TAFA2: variants seen among roughly 807,000 people sequenced by gnomAD.
The protein encoded by TAFA2 is TAFA chemokine like family member 2.
Under a neutral mutation model 18.8 loss-of-function variants are expected in TAFA2, and 7 were observed. The ratio of observed to expected loss-of-function variants is 0.37; its 90% CI spans 0.21 to 0.70. TAFA2 has a LOEUF of 0.70. Among genes scored for constraint, TAFA2 ranks in the 30% least tolerant of loss-of-function variants. The pLI, the probability that TAFA2 is intolerant of heterozygous loss-of-function variation, is 0.53. For synonymous variants in TAFA2, 60 were observed against 54.2 expected (o/e 1.11, Z -0.47); for missense variants, 122 against 158.1 (o/e 0.77, Z 1.23).
intron 2 of TAFA2, among the ~76,000 whole-genome samples, chr12:61,828,386 G>C (rs780432791): frequency 5.9e-5 from 9 of 151,904 alleles, no homozygotes; most frequent in Non-Finnish European, 1.2e-4. Flanking sequence ...TGCCCATTTA[G>C]TCTTTCTTCA....
intron 2 of TAFA2, among the ~76,000 whole-genome samples, chr12:61,864,564 G>A (rs1353533880): frequency 6.6e-6 from 1 of 151,378 alleles, no homozygotes. Flanking sequence ...ACGAGGTCAG[G>A]AGATCGAGAC....
At chr12:62,034,253 C>A (rs561213158) in intron 1 of TAFA2, among the ~76,000 whole-genome samples, 4 of 152,092 alleles carry the variant, frequency 2.6e-5, no homozygotes. Flanking sequence ...TTGAGCCCAG[C>A]CCCCTTTGCC....
At chr12:62,196,385 T>C (rs1225928937), upstream of TAFA2, among the ~76,000 whole-genome samples, 2 of 152,214 alleles carry the variant, frequency 1.3e-5, no homozygotes, top group Non-Finnish European at 2.9e-5. Context: ...TGCCTAGCAG[T>C]TTGGCTCAAG....
intron 1 of TAFA2, among the ~76,000 whole-genome samples, chr12:61,985,978 C>T (rs1057130659): frequency 6.6e-6 from 1 of 152,062 alleles, no homozygotes; most frequent in African/African-American, 2.4e-5. Context: ...GCTACCTCAG[C>T]CCACAACCAT....
intron 1 of TAFA2, among the ~76,000 whole-genome samples, chr12:62,228,814 G>A (rs533238899): frequency 6.6e-6 from 1 of 152,190 alleles, no homozygotes; most frequent in African/African-American, 2.4e-5. Context: ...GGGTAGCATT[G>A]ACATTTTAAT....
intron 1 of TAFA2, among the ~76,000 whole-genome samples, chr12:62,238,474 A>T (rs1010666954): frequency 1.3e-5 from 2 of 152,134 alleles, no homozygotes; most frequent in Non-Finnish European, 2.9e-5. Context: ...TACCTACATT[A>T]TCTCATTTAA....
rs574454623 is a variant in TAFA2, at chr12:61,907,109, G to A, written c.-1-39683C>T. ...GATAGAAAAGAAAAACCCATTTTCT[G>A]TGGAGAAATTCTAGCTGGCTGAACA... On this transcript the variant is annotated intron_variant, in intron 1 of 4. Transcript: ENST00000416284. Among the ~76,000 whole-genome samples the A allele has an allele frequency of 1.5e-4, 23 of 152,340 alleles. No homozygotes were observed. In the Middle Eastern group the frequency reaches 0.02, roughly 135 times the overall value.
At chr12:62,050,978 G>A (rs768860119) in intron 1 of TAFA2, among the ~76,000 whole-genome samples, 1 of 152,076 alleles carries the variant, frequency 6.6e-6, no homozygotes, top group Non-Finnish European at 1.5e-5. Flanking sequence ...CCTTCCCATC[G>A]CTCAGTCTCG....
intron 1 of TAFA2, among the ~76,000 whole-genome samples, chr12:62,215,974 ACC>A: frequency 6.6e-6 from 1 of 152,128 alleles, no homozygotes; most frequent in Non-Finnish European, 1.5e-5. Flanking sequence ...ACCCTGTATC[ACC>A]ATGGCAAGTG....
chr12:61,991,235 GATTA>G (rs1879999517), intron 1 of TAFA2, among the ~76,000 whole-genome samples: 1 of 152,150 alleles, frequency 6.6e-6, no homozygotes, highest in South Asian at 2.1e-4. Context: ...TTGTTGGGAG[GATTA>G]AATAAGCTAA....
intron 1 of TAFA2, among the ~76,000 whole-genome samples, chr12:62,040,467 G>A (rs1265574298): frequency 6.6e-6 from 1 of 152,022 alleles, no homozygotes; most frequent in Non-Finnish European, 1.5e-5. Context: ...CATAGAAAGA[G>A]GAAATTTGGA....
chr12:62,022,225 G>T (rs1316814304), intron 1 of TAFA2: 1 of 288,386 alleles, frequency 3.5e-6, no homozygotes, highest in East Asian at 7.7e-5. Context: ...ACCAAGCGAT[G>T]AAGAGCCTTA....
chr12:62,104,276 C>A (rs1384412098), intron 1 of TAFA2, among the ~76,000 whole-genome samples: 18 of 145,832 alleles, frequency 1.2e-4, no homozygotes, highest in Non-Finnish European at 1.2e-4. Flanking sequence ...TCTTCTGAAG[C>A]AAAAAAAAAA....
In TAFA2 at chr12:62,220,176, T is replaced by C. The variant is rs572796125; in HGVS notation, c.-130+38587A>G. 4.6e-5 allele frequency among the ~76,000 whole-genome samples: 7 copies of C among 151,604 alleles called. No individual in the cohort carries two copies. In the East Asian group the frequency reaches 1.4e-3, roughly 29 times the overall value. On this transcript the variant is annotated intron_variant, in intron 1 of 5. Coordinates refer to the TAFA2 transcript ENST00000551619. ...CAAAGTAAAAGTCAAATGAAAGAAATGGAAACAATAAACTCAAAGGAAAAA... is the reference window on the plus strand; with the variant it reads ...CAAAGTAAAAGTCAAATGAAAGAAACGGAAACAATAAACTCAAAGGAAAAA...
At chr12:62,075,821 T>C (rs1868247098) in intron 1 of TAFA2, among the ~76,000 whole-genome samples, 1 of 152,224 alleles carries the variant, frequency 6.6e-6, no homozygotes, top group African/African-American at 2.4e-5. Flanking sequence ...CATAAAACCA[T>C]TGTTTTCTGA....
chr12:62,228,945 A>T (rs905134251), intron 1 of TAFA2, among the ~76,000 whole-genome samples: 2 of 152,098 alleles, frequency 1.3e-5, no homozygotes, highest in African/African-American at 2.4e-5. Context: ...CTCTGGTTAC[A>T]TTTACTCCTA....
chr12:62,151,118 G>A (rs76465153), intron 1 of TAFA2, among the ~76,000 whole-genome samples: 1,622 of 152,164 alleles, frequency 0.011, 21 homozygotes, highest in African/African-American at 0.036. Flanking sequence ...TATTTCTCAC[G>A]TCTGTTCAAA....
intron 1 of TAFA2, among the ~76,000 whole-genome samples, chr12:61,927,065 C>A (rs1410957912): frequency 1.1e-5 from 1 of 93,798 alleles, no homozygotes; most frequent in African/African-American, 4.5e-5. Flanking sequence ...CAGAGTGAGA[C>A]TCTGAAAAAA....
chr12:62,211,317 T>C (rs1483343697), intron 1 of TAFA2, among the ~76,000 whole-genome samples: 2 of 152,132 alleles, frequency 1.3e-5, no homozygotes, highest in Middle Eastern at 3.2e-3. Flanking sequence ...CAGTGGCTCA[T>C]GCCTGTAATC....
Sources: gnomAD v4.1 joint callset for allele counts (sites outside exome capture counted in the v4.1 genomes callset) on GRCh38, gnomAD v4.1.1 for gene constraint, MANE v1.5 for transcripts, NCBI Gene and HGNC (gene_info 2026-07-23, HGNC 2026-07-21) for gene names.